The following DENND1B variants were observed in gnomAD, a reference collection of about 807,000 sequenced individuals.
DENND1B encodes the protein DENN domain containing 1B.
A neutral mutation model predicts 90.1 loss-of-function variants in DENND1B; 59 were observed. The observed-to-expected ratio is 0.65, with a 90% confidence interval of 0.53 to 0.81. The LOEUF (loss-of-function observed/expected upper bound fraction) is 0.81, where lower values mean the gene tolerates loss of function less well. Among genes scored for constraint, DENND1B ranks in the 40% least tolerant of loss-of-function variants. DENND1B has a pLI of 0.00. For missense variants in DENND1B, 862 were observed against 912.6 expected, an observed-to-expected ratio of 0.94 and a Z score of 0.71; for synonymous variants, 337 against 324.6, an observed-to-expected ratio of 1.04 and a Z score of -0.41.
chr1:197,546,650 A>C (rs1207504520), intron 17 of DENND1B, 83 bp downstream of exon 17: 1 of 1,104,452 alleles, frequency 9.1e-7, no homozygotes, highest in Non-Finnish European at 1.3e-6. Context: ...AATAAACAGC[A>C]TAAGTATAAA....
intron 20 of DENND1B, among the ~76,000 whole-genome samples, chr1:197,536,720 GAAC>G (rs997014087): frequency 2.4e-4 from 36 of 152,170 alleles, no homozygotes; most frequent in African/African-American, 8.4e-4. Context: ...GGCAGGATAT[GAAC>G]TCTTAAAAAT....
At chr1:197,587,175 T>C (rs1183832965) in intron 14 of DENND1B, among the ~76,000 whole-genome samples, 3 of 152,236 alleles carry the variant, frequency 2.0e-5, no homozygotes, top group Non-Finnish European at 4.4e-5. Flanking sequence ...TTGATCAATC[T>C]ACTTACAGAA....
At chr1:197,680,416 A>G (rs1428767513) in intron 3 of DENND1B, among the ~76,000 whole-genome samples, 1 of 152,214 alleles carries the variant, frequency 6.6e-6, no homozygotes, top group Non-Finnish European at 1.5e-5. Flanking sequence ...ATGAATATCA[A>G]GCAATCATTT....
chr1:197,659,922 A>C (rs964802924), intron 5 of DENND1B, among the ~76,000 whole-genome samples: 1 of 152,042 alleles, frequency 6.6e-6, no homozygotes, highest in African/African-American at 2.4e-5. Flanking sequence ...TTGAGGAAAC[A>C]CAAATACAAA....
chr1:197,583,120 T>C, intron 15 of DENND1B, 32 bp downstream of exon 15: 1 of 1,588,516 alleles, frequency 6.3e-7, no homozygotes, highest in Non-Finnish European at 8.6e-7. Context: ...AATGTTGTCT[T>C]ACAAAAGAAA....
intron 2 of DENND1B, among the ~76,000 whole-genome samples, chr1:197,730,235 C>T (rs1035043637): frequency 6.6e-6 from 1 of 151,778 alleles, no homozygotes; most frequent in African/African-American, 2.4e-5. Flanking sequence ...GTAGAAAAGA[C>T]AAAGGGGAGA....
At chr1:197,719,095 A>C (rs1371121095) in intron 2 of DENND1B, among the ~76,000 whole-genome samples, 1 of 152,162 alleles carries the variant, frequency 6.6e-6, no homozygotes, top group East Asian at 1.9e-4. Context: ...GATGAGCCTC[A>C]GTGGAAGGGT....
intron 3 of DENND1B, chr1:197,685,675 A>T (rs1657160209): frequency 6.6e-6 from 1 of 152,190 alleles, no homozygotes; most frequent in South Asian, 2.1e-4. Flanking sequence ...GAAGTAGAGA[A>T]GGAACAAAGA....
intron 3 of DENND1B, among the ~76,000 whole-genome samples, chr1:197,675,268 G>A (rs772223911): frequency 3.3e-5 from 5 of 152,054 alleles, no homozygotes; most frequent in East Asian, 1.9e-4. Context: ...TATTTAAACC[G>A]TATACATAAA....
intron 2 of DENND1B, among the ~76,000 whole-genome samples, chr1:197,772,367 T>C (rs1372466103): frequency 1.3e-5 from 2 of 152,188 alleles, no homozygotes; most frequent in African/African-American, 4.8e-5. Context: ...TCATGATTTT[T>C]ACAATCCCAG....
chr1:197,679,617 A>C (rs556368828), intron 3 of DENND1B, among the ~76,000 whole-genome samples: 1 of 150,382 alleles, frequency 6.6e-6, no homozygotes, highest in South Asian at 2.1e-4. Context: ...ACTTACATAT[A>C]TTATAAAAAT....
At chr1:197,605,471 ATTTC>A (rs1322455873) in intron 13 of DENND1B, 2 of 151,018 alleles carry the variant, frequency 1.3e-5, no homozygotes, top group African/African-American at 4.8e-5. Context: ...GAAAAGCTGA[ATTTC>A]TTTCTCTTTT....
intron 15 of DENND1B, among the ~76,000 whole-genome samples, chr1:197,567,571 T>C (rs1672784441): frequency 6.6e-5 from 10 of 152,216 alleles, no homozygotes; most frequent in Non-Finnish European, 1.3e-4. Flanking sequence ...CCCTTAAACA[T>C]AGATGCAAAA....
At chr1:197,697,984 C>T (rs946698219) in intron 3 of DENND1B, among the ~76,000 whole-genome samples, 1 of 151,834 alleles carries the variant, frequency 6.6e-6, no homozygotes, top group Non-Finnish European at 1.5e-5. Flanking sequence ...ACTTTAATAC[C>T]CCACTGTCAG....
intron 10 of DENND1B, among the ~76,000 whole-genome samples, chr1:197,628,386 T>C (rs1678989185): frequency 6.6e-6 from 1 of 152,102 alleles, no homozygotes; most frequent in Non-Finnish European, 1.5e-5. Context: ...ACTACAACTA[T>C]CTGATCTTTG....
At chr1:197,655,569 T>C (rs1211322753) in intron 6 of DENND1B, among the ~76,000 whole-genome samples, 4 of 151,860 alleles carry the variant, frequency 2.6e-5, no homozygotes, top group Admixed American at 6.5e-5. Flanking sequence ...TCTCGCTCTG[T>C]CGCCCAGGCT....
intron 2 of DENND1B, among the ~76,000 whole-genome samples, chr1:197,744,092 C>T (rs374302796): frequency 2.9e-4 from 44 of 152,184 alleles, no homozygotes; most frequent in African/African-American, 9.4e-4. Context: ...GTGTTACTTA[C>T]GCCACTGAAG....
At chr1:197,749,212 T>C (rs1653123192) in intron 2 of DENND1B, among the ~76,000 whole-genome samples, 1 of 151,996 alleles carries the variant, frequency 6.6e-6, no homozygotes, top group South Asian at 2.1e-4. Context: ...TAAAGGAGGA[T>C]AAACAGAAAA....
At chr1:197,718,786 GA>G (rs1571486581) in intron 2 of DENND1B, among the ~76,000 whole-genome samples, 1 of 152,048 alleles carries the variant, frequency 6.6e-6, no homozygotes, top group Non-Finnish European at 1.5e-5. Flanking sequence ...AAGGTTAAAA[GA>G]AAGCAGAATA....
Sources: gnomAD v4.1 joint callset for allele counts (sites outside exome capture counted in the v4.1 genomes callset) on GRCh38, gnomAD v4.1.1 for gene constraint, MANE v1.5 for transcripts, NCBI Gene and HGNC (gene_info 2026-07-23, HGNC 2026-07-21) for gene names.